The following MTHFD1 variants were observed in gnomAD, a reference collection of about 807,000 sequenced individuals.
The protein encoded by MTHFD1 is C-1-tetrahydrofolate synthase, cytoplasmic.
A neutral mutation model predicts 110.3 loss-of-function variants in MTHFD1; 44 were observed. The observed-to-expected ratio is 0.40, with a 90% CI of 0.31 to 0.51. MTHFD1 has a LOEUF of 0.51. MTHFD1 is among the 20% of genes least tolerant of loss of function. The pLI, the probability that MTHFD1 is intolerant of heterozygous loss-of-function variation, is 0.60. For missense variants in MTHFD1, 909 were observed against 1,173.1 expected (o/e 0.77, Z 3.29); for synonymous variants, 402 against 428.8 (o/e 0.94, Z 0.77).
At chr14:64,439,259 T>G (rs2078229987) in intron 17 of MTHFD1, 87 bp downstream of exon 17, 1 of 942,120 alleles carries the variant, frequency 1.1e-6, no homozygotes, top group East Asian at 2.5e-5. Context: ...CTCATACGAC[T>G]GATACTGCCA....
rs1284900003 is a variant in MTHFD1, at chr14:64,402,811, AAAAAT to A, written c.126+1939_126+1943del. ...GTGACAGTGAGATCCTGTCTCAAAAAAAAATAAAAATAAAAATAAAAAAGCACTAA... is the reference window on the plus strand; with the variant it reads ...GTGACAGTGAGATCCTGTCTCAAAAAAAAAATAAAAATAAAAAAGCACTAA... On this transcript the variant is annotated intron_variant, in intron 2 of 27. Coordinates refer to ENST00000652337, the MANE Select transcript of MTHFD1 (RefSeq NM_005956.4). 6.1e-3 allele frequency among the ~76,000 whole-genome samples: 917 copies of A among 151,364 alleles called. 8 individuals are homozygous for A. Among genetic ancestry groups the A allele is most frequent in the African/African-American group, 0.021 (867 of 41,202 alleles).
intron 26 of MTHFD1, 118 bp from the exon 27 acceptor site, chr14:64,458,096 G>T: frequency 1.2e-6 from 1 of 810,728 alleles, no homozygotes; most frequent in Non-Finnish European, 2.2e-6. Flanking sequence ...TCACTATGTT[G>T]CCCAGGGTGG....
In MTHFD1 at chr14:64,435,754, G is replaced by A. The variant is rs1375713929; in HGVS notation, c.1597+83G>A. On this transcript the variant is annotated intron_variant, in intron 16 of 27. Transcript: ENST00000652337. ...TCCAGAAGAGTTGTTAAAATGTGAGGCTCAGAAGCTTCCATGTTGGTATTT... is the reference window on the plus strand; with the variant it reads ...TCCAGAAGAGTTGTTAAAATGTGAGACTCAGAAGCTTCCATGTTGGTATTT... The A allele has an allele frequency of 2.1e-5, 18 of 843,536 alleles. No homozygotes were observed. The Admixed American group carries it at 3.3e-4, about 15-fold the overall frequency. The allele number at this position is 843,536 out of a possible 1,614,324, so 52.3% of individuals were successfully genotyped here.
At chr14:64,444,305 C>G (rs190061095) in intron 21 of MTHFD1, among the ~76,000 whole-genome samples, 23 of 152,014 alleles carry the variant, frequency 1.5e-4, no homozygotes, top group Non-Finnish European at 3.2e-4. Flanking sequence ...CGGGCTCTAT[C>G]GACAGACATC....
At chr14:64,431,070 CTTTTTCTTTTTT>C (rs565320609) in intron 13 of MTHFD1, among the ~76,000 whole-genome samples, 9 of 145,752 alleles carry the variant, frequency 6.2e-5, no homozygotes, top group South Asian at 2.1e-4. Flanking sequence ...TTTTCTTTTT[CTTTTTCTTTTTT>C]TTTTTTTTTT....
At chr14:64,422,638 C>T (rs1339602500) in intron 8 of MTHFD1, among the ~76,000 whole-genome samples, 5 of 152,082 alleles carry the variant, frequency 3.3e-5, no homozygotes, top group Non-Finnish European at 7.4e-5. Flanking sequence ...TCAACCTATC[C>T]AGTGTAGCTG....
chr14:64,450,890 A>G (rs1331782196), intron 24 of MTHFD1, among the ~76,000 whole-genome samples: 1 of 152,060 alleles, frequency 6.6e-6, no homozygotes, highest in East Asian at 1.9e-4. Context: ...TTTATTGGCC[A>G]GGCACAGTGG....
intron 2 of MTHFD1, among the ~76,000 whole-genome samples, chr14:64,409,126 G>A (rs995286158): frequency 2.6e-5 from 4 of 152,046 alleles, no homozygotes; most frequent in Non-Finnish European, 4.4e-5. Flanking sequence ...TATTCAGGCC[G>A]AAAATAGTTA....
chr14:64,425,542 A>G (rs913866573), intron 9 of MTHFD1, among the ~76,000 whole-genome samples, 188 bp from the exon 10 acceptor site: 4 of 152,102 alleles, frequency 2.6e-5, no homozygotes, highest in African/African-American at 4.8e-5. Context: ...ACCAGCTGAC[A>G]GGGGCCAGGC....
chr14:64,415,079 C>T (rs904015776), intron 4 of MTHFD1, among the ~76,000 whole-genome samples: 2 of 152,188 alleles, frequency 1.3e-5, no homozygotes, highest in African/African-American at 4.8e-5. Flanking sequence ...AAGTAATCCT[C>T]CTGACTTGGC....
intron 25 of MTHFD1, 51 bp downstream of exon 25, chr14:64,453,912 G>C (rs368511910): frequency 1.4e-5 from 17 of 1,182,266 alleles, no homozygotes; most frequent in Non-Finnish European, 2.1e-5. Context: ...GCAGGACTTG[G>C]AGTCACAATC....
At chr14:64,419,769 G>A in intron 7 of MTHFD1, 45 bp from the exon 8 acceptor site, 15 of 1,283,846 alleles carry the variant, frequency 1.2e-5, no homozygotes, top group Non-Finnish European at 1.7e-5. Flanking sequence ...TTTTTGGTGT[G>A]TATTTCATTA....
intron 17 of MTHFD1, among the ~76,000 whole-genome samples, chr14:64,439,894 C>CAAA (rs760527922): frequency 8.8e-5 from 5 of 56,556 alleles, no homozygotes; most frequent in Admixed American, 2.0e-4. Context: ...ACTCTGTCTC[C>CAAA]AAAAAAAAAA....
intron 22 of MTHFD1, among the ~76,000 whole-genome samples, chr14:64,447,473 T>A (rs199691795): frequency 1.6e-3 from 241 of 148,800 alleles, no homozygotes; most frequent in Middle Eastern, 0.01. Context: ...TTTTTTTTTT[T>A]AATTAACTTC....
At chr14:64,396,909 C>A (rs2077853909) in intron 1 of MTHFD1, among the ~76,000 whole-genome samples, 1 of 146,962 alleles carries the variant, frequency 6.8e-6, no homozygotes, top group African/African-American at 2.5e-5. Context: ...TCGAGACCAT[C>A]TTGGCTAACA....
chr14:64,442,542 A>ACAAGGGCTGTCT, intron 21 of MTHFD1, 140 bp downstream of exon 21: 1 of 905,646 alleles, frequency 1.1e-6, no homozygotes, highest in Non-Finnish European at 1.7e-6. Flanking sequence ...ACGGGCAGAC[A>ACAAGGGCTGTCT]GCCCTTGTGT....
At chr14:64,406,397 T>G (rs2077935851) in intron 2 of MTHFD1, among the ~76,000 whole-genome samples, 1 of 152,110 alleles carries the variant, frequency 6.6e-6, no homozygotes, top group Admixed American at 6.6e-5. Flanking sequence ...GTGTTTTGAC[T>G]GTAAGCCATC....
At chr14:64,459,411 A>G (rs1164413802) in intron 27 of MTHFD1, among the ~76,000 whole-genome samples, 2 of 152,250 alleles carry the variant, frequency 1.3e-5, no homozygotes, top group African/African-American at 4.8e-5. Flanking sequence ...GGGTCATAGT[A>G]TAAAACAAAA....
intron 3 of MTHFD1, 105 bp downstream of exon 3, chr14:64,411,254 A>G (rs187912122): frequency 6.2e-6 from 5 of 802,948 alleles, no homozygotes; most frequent in East Asian, 2.5e-5. Flanking sequence ...TTTATCACCC[A>G]CAGGAGACAT....
Sources: allele counts gnomAD v4.1 joint callset (sites outside exome capture counted in the v4.1 genomes callset), GRCh38; gene constraint gnomAD v4.1.1; transcripts MANE v1.5; gene names NCBI Gene and HGNC (gene_info 2026-07-23, HGNC 2026-07-21).